Variants in FAF1 observed in about 807,000 individuals in gnomAD.
FAF1 encodes Fas associated factor 1, also known as FAS-associated factor 1.
FAF1 carries 25 observed loss-of-function variants against 92.5 expected under a neutral mutation model. That is an observed-to-expected ratio of 0.27 (90% CI 0.20 to 0.38). The LOEUF (loss-of-function observed/expected upper bound fraction) is 0.38, where lower values mean the gene tolerates loss of function less well. Ranked by LOEUF, FAF1 falls within the 10% of genes least tolerant of loss-of-function variation. FAF1 has a pLI of 1.00. For missense variants in FAF1, 636 were observed against 793.3 expected (o/e 0.80, Z 2.38); for synonymous variants, 234 against 273.2 (o/e 0.86, Z 1.42).
rs1292266964 is a variant in FAF1 at position 50,729,048 on chromosome 1, A to C, written c.551+9815T>G. Among the ~76,000 whole-genome samples the C allele has an allele frequency of 9.7e-4, 85 of 88,012 alleles. 1 individual carries two copies. Among genetic ancestry groups the C allele is most frequent in the East Asian group, 5.2e-3 (24 of 4,578 alleles). The allele number at this position is 88,012 out of a possible 152,430, so 57.7% of individuals were successfully genotyped here. A position where few individuals can be genotyped will look rare whatever the true frequency, so the allele number is the denominator to read the frequency against. ...TATCTATCTATCTATATATATATAT[A>C]TATATATATATTTTTTTTTTTTTTG... On this transcript the variant is annotated intron_variant, in intron 6 of 18. Coordinates refer to ENST00000396153, the MANE Select transcript of FAF1 (RefSeq NM_007051.3).
At chr1:50,854,688 C>A (rs958847933) in intron 2 of FAF1, among the ~76,000 whole-genome samples, 2 of 151,878 alleles carry the variant, frequency 1.3e-5, no homozygotes, top group African/African-American at 4.8e-5. Flanking sequence ...TGTGCCAGGT[C>A]TGGGAAAGTG....
intron 17 of FAF1, among the ~76,000 whole-genome samples, chr1:50,490,341 A>C (rs925511094): frequency 6.6e-6 from 1 of 150,866 alleles, no homozygotes; most frequent in African/African-American, 2.4e-5. Flanking sequence ...AGATGGTGCC[A>C]CTGCACTCCA....
At chr1:50,500,683 T>C (rs1427657054) in intron 15 of FAF1, among the ~76,000 whole-genome samples, 2 of 152,076 alleles carry the variant, frequency 1.3e-5, no homozygotes, top group Admixed American at 1.3e-4. Flanking sequence ...AAACTTATTT[T>C]CTCCTAAAGA....
chr1:50,536,817 T>C (rs1256697134), intron 14 of FAF1, among the ~76,000 whole-genome samples: 1 of 152,222 alleles, frequency 6.6e-6, no homozygotes, highest in Non-Finnish European at 1.5e-5. Flanking sequence ...ATAAATGGAC[T>C]GTAGCTCTCT....
At chr1:50,467,375 G>A (rs544668347) in intron 18 of FAF1, among the ~76,000 whole-genome samples, 8 of 152,146 alleles carry the variant, frequency 5.3e-5, no homozygotes, top group Non-Finnish European at 1.2e-4. Flanking sequence ...GTGCAGTGGC[G>A]CAATCTCGGC....
At chr1:50,723,652 T>C (rs1023474557) in intron 6 of FAF1, among the ~76,000 whole-genome samples, 1 of 152,080 alleles carries the variant, frequency 6.6e-6, no homozygotes, top group African/African-American at 2.4e-5. Flanking sequence ...TGGCTCACAC[T>C]TATAATCCCA....
intron 7 of FAF1, among the ~76,000 whole-genome samples, chr1:50,681,034 A>T (rs1656396311): frequency 6.6e-6 from 1 of 152,116 alleles, no homozygotes; most frequent in Non-Finnish European, 1.5e-5. Context: ...GAATAATAAT[A>T]ATAATAATAA....
At chr1:50,524,701 G>A (rs970624947) in intron 15 of FAF1, among the ~76,000 whole-genome samples, 4 of 152,078 alleles carry the variant, frequency 2.6e-5, no homozygotes, top group Non-Finnish European at 5.9e-5. Flanking sequence ...TTGTAGGTGT[G>A]CGGTCTTATT....
chr1:50,455,943 C>T (rs1282438889), intron 18 of FAF1, among the ~76,000 whole-genome samples: 2 of 152,052 alleles, frequency 1.3e-5, no homozygotes, highest in African/African-American at 4.8e-5. Flanking sequence ...CAGTAGATGG[C>T]ATGCACCTGT....
chr1:50,458,515 A>G lies in FAF1; in HGVS notation c.1869+16949T>C, dbSNP rs1201952981. Among the ~76,000 whole-genome samples the G allele has an allele frequency of 7.9e-5, 12 of 152,206 alleles. No homozygotes were observed. The South Asian group carries it at 1.9e-3, about 24-fold the overall frequency. ...CCCCACCATTCCAAGTCCTCTGTAA[A>G]TAAGTTAGAAAGCGGTAAGGGCAAA... On this transcript the variant is annotated intron_variant, in intron 18 of 18. Transcript: ENST00000396153.
chr1:50,770,036 G>A (rs1216128599), intron 4 of FAF1, among the ~76,000 whole-genome samples: 1 of 152,124 alleles, frequency 6.6e-6, no homozygotes, highest in African/African-American at 2.4e-5. Flanking sequence ...GAGTAACAAA[G>A]TGAGACTCTG....
At chr1:50,541,334 C>T (rs1648747062) in intron 13 of FAF1, among the ~76,000 whole-genome samples, 1 of 152,176 alleles carries the variant, frequency 6.6e-6, no homozygotes, top group East Asian at 1.9e-4. Flanking sequence ...GACCTCATGG[C>T]AATTTCATAT....
intron 4 of FAF1, among the ~76,000 whole-genome samples, chr1:50,778,838 GAC>G (rs139878228): frequency 7.5e-4 from 111 of 147,344 alleles, no homozygotes; most frequent in Middle Eastern, 3.5e-3. Flanking sequence ...AAAACACACA[GAC>G]ACACACACAC....
chr1:50,483,837 C>G (rs571514505), intron 17 of FAF1, among the ~76,000 whole-genome samples: 1 of 152,238 alleles, frequency 6.6e-6, no homozygotes, highest in South Asian at 2.1e-4. Flanking sequence ...AGGTTTCTGG[C>G]TCTAACAACT....
chr1:50,444,402 G>A (rs1167772954), intron 18 of FAF1, among the ~76,000 whole-genome samples: 9 of 152,204 alleles, frequency 5.9e-5, no homozygotes, highest in Non-Finnish European at 8.8e-5. Context: ...TAGGGAGGGG[G>A]CTGTGTCAGC....
At chr1:50,640,276 G>T in intron 8 of FAF1, among the ~76,000 whole-genome samples, 1 of 151,418 alleles carries the variant, frequency 6.6e-6, no homozygotes, top group Middle Eastern at 3.2e-3. Context: ...AGCTGGTCCT[G>T]AAGTTTTTGT....
chr1:50,450,283 C>T (rs570127155), intron 18 of FAF1, among the ~76,000 whole-genome samples: 4 of 151,946 alleles, frequency 2.6e-5, no homozygotes, highest in Non-Finnish European at 5.9e-5. Flanking sequence ...TAAATGGTCC[C>T]AACAATTCTA....
intron 7 of FAF1, among the ~76,000 whole-genome samples, chr1:50,687,171 C>T (rs952813282): frequency 6.6e-6 from 1 of 152,042 alleles, no homozygotes; most frequent in African/African-American, 2.4e-5. Context: ...GGCATAATTC[C>T]CGATTCTCTA....
chr1:50,921,858 T>C (rs933570367), intron 1 of FAF1, among the ~76,000 whole-genome samples: 1 of 152,012 alleles, frequency 6.6e-6, no homozygotes, highest in East Asian at 1.9e-4. Context: ...AGGACTCAAA[T>C]GTAACCACTA....
Sources: allele counts gnomAD v4.1 joint callset (sites outside exome capture counted in the v4.1 genomes callset), GRCh38; gene constraint gnomAD v4.1.1; transcripts MANE v1.5; gene names NCBI Gene and HGNC (gene_info 2026-07-23, HGNC 2026-07-21).